Variants in SLC44A2 observed in about 807,000 individuals in gnomAD.
SLC44A2 encodes the protein choline transporter-like protein 2.
SLC44A2 carries 57 observed loss-of-function variants against 90.8 expected under a neutral mutation model. That is an observed-to-expected ratio of 0.63 (90% CI 0.51 to 0.78). SLC44A2 has a LOEUF of 0.78. Among genes scored for constraint, SLC44A2 ranks in the 30% least tolerant of loss-of-function variants. The pLI is 0.00. For missense variants in SLC44A2, 794 were observed against 919.7 expected, an observed-to-expected ratio of 0.86 and a Z score of 1.77; for synonymous variants, 355 against 360.7, an observed-to-expected ratio of 0.98 and a Z score of 0.18.
chr19:10,635,479 C>T lies in SLC44A2; in HGVS notation c.1197C>T (p.Ser399=), dbSNP rs764935100. The change falls in exon 14 of 22, where the codon AGC becomes AGT. Residue 399 remains serine, a synonymous_variant. Transcript: ENST00000335757. The part of the protein sequence containing the change: ...NEAVYKIFDD[S]PCPFTAKTCN... ...CGGTCTATAAGATCTTTGATGACAG[C>T]CCCTGCCCATTTACTGCGAAAACCT... 1.9e-6 allele frequency: 3 copies of T among 1,613,962 alleles called. No homozygotes were observed. In the South Asian group the frequency reaches 3.3e-5, roughly 18 times the overall value.
chr19:10,621,999 T>C (rs575484972), upstream of SLC44A2, among the ~76,000 whole-genome samples: 1 of 152,294 alleles, frequency 6.6e-6, no homozygotes, highest in South Asian at 2.1e-4. Context: ...TGGCCTCCAG[T>C]GATCTGCCTG....
intron 1 of SLC44A2, among the ~76,000 whole-genome samples, chr19:10,625,936 A>G (rs535249551): frequency 1.3e-5 from 2 of 149,920 alleles, no homozygotes; most frequent in South Asian, 2.1e-4. Flanking sequence ...CCTTCCCCCT[A>G]TCCCACCTCA....
At chr19:10,637,974 C>G (rs748125838) in intron 18 of SLC44A2, 45 bp downstream of exon 18, 2 of 1,614,022 alleles carry the variant, frequency 1.2e-6, no homozygotes, top group South Asian at 2.2e-5. Flanking sequence ...GCCTCTTCCC[C>G]TAGTCCCTGA....
At chr19:10,624,554 G>C (rs1457014398), upstream of SLC44A2, among the ~76,000 whole-genome samples, 6 of 152,148 alleles carry the variant, frequency 3.9e-5, no homozygotes, top group African/African-American at 1.4e-4. Flanking sequence ...CAGCCTCCCA[G>C]AGTGCTGGGA....
chr19:10,631,791 G>T (rs777293737), intron 8 of SLC44A2, 42 bp downstream of exon 8: 1 of 1,614,068 alleles, frequency 6.2e-7, no homozygotes, highest in South Asian at 1.1e-5. Flanking sequence ...CACTTTGCTG[G>T]GTGGGACAGG....
At chr19:10,606,218 A>G (rs1308714904) in intron 1 of SLC44A2, among the ~76,000 whole-genome samples, 1 of 152,042 alleles carries the variant, frequency 6.6e-6, no homozygotes, top group African/African-American at 2.4e-5. Flanking sequence ...GGATTGCTTG[A>G]GCCCAGGAGG....
intron 1 of SLC44A2, among the ~76,000 whole-genome samples, chr19:10,618,958 C>G (rs954610454): frequency 1.0e-5 from 1 of 100,098 alleles, no homozygotes; most frequent in East Asian, 3.0e-4. Flanking sequence ...GTATACAATT[C>G]TTTTTTTTTT....
chr19:10,617,169 CT>C (rs33959587), intron 1 of SLC44A2, among the ~76,000 whole-genome samples: 123,043 of 151,792 alleles, frequency 0.81, 50,005 homozygotes, highest in African/African-American at 0.86. Flanking sequence ...ATCCGCCCGC[CT>C]GGGGCTCCCA....
At position 10,636,525 on chromosome 19, in the gene SLC44A2, T is replaced by G; in HGVS notation, c.1436T>G (p.Leu479Arg). ...GCCTTTGCCTCCTACTACTGGGCCC[T>G]GCGCAAGCCGGACGACCTGCCGGCC... ...AGAFASYYWA[L>R]RKPDDLPAFP... The change falls in exon 15 of 22, where the codon CTG (leucine) becomes CGG (arginine). Residue 479 changes from leucine to arginine, a missense_variant. By Grantham distance (102) the Leu-to-Arg change is moderately radical. Transcript: ENST00000335757. 1 of 1,610,614 alleles carries G rather than the reference T, an allele frequency of 6.2e-7. No homozygotes were observed. Among genetic ancestry groups the G allele is most frequent in the South Asian group, 1.1e-5 (1 of 91,060 alleles).
At chr19:10,604,551 C>T (rs914989031) in intron 1 of SLC44A2, among the ~76,000 whole-genome samples, 2 of 152,162 alleles carry the variant, frequency 1.3e-5, no homozygotes, top group African/African-American at 2.4e-5. Context: ...TACCCTCCTG[C>T]CCCAGTGGCT....
chr19:10,643,877 T>A lies in SLC44A2; in HGVS notation c.*492T>A. ...GCATTTCTTTATTATTATTATTTTT[T>A]AACCTGGACATGCATTAAAGGGTCT... On this transcript the variant is annotated 3_prime_UTR_variant, in exon 22 of 22. Coordinates refer to ENST00000335757, the MANE Select transcript of SLC44A2 (RefSeq NM_020428.4). The A allele has an allele frequency of 6.5e-6, 1 of 153,376 alleles. No homozygotes were observed. The highest frequency in any genetic ancestry group is 2.0e-4 in the South Asian group (1 of 4,934). The allele number at this position is 153,376 out of a possible 1,614,324, so 9.5% of individuals were successfully genotyped here. A position where few individuals can be genotyped will look rare whatever the true frequency, so the allele number is the denominator to read the frequency against.
intron 20 of SLC44A2, among the ~76,000 whole-genome samples, chr19:10,639,536 G>C (rs143410043): frequency 6.6e-6 from 1 of 152,188 alleles, no homozygotes; most frequent in Non-Finnish European, 1.5e-5. Context: ...GTGGCCCTGA[G>C]GTGGGAGTGT....
chr19:10,602,502 C>G (rs1018906485), upstream of SLC44A2: 4 of 1,256,356 alleles, frequency 3.2e-6, no homozygotes, highest in Non-Finnish European at 4.0e-6. Flanking sequence ...CGCGCTGGCT[C>G]GGACTCCGCT....
intron 15 of SLC44A2, 34 bp downstream of exon 15, chr19:10,636,619 G>C: frequency 6.2e-7 from 1 of 1,606,764 alleles, no homozygotes; most frequent in Non-Finnish European, 8.5e-7. Flanking sequence ...TGGGGTGGAG[G>C]ACGAGGCCTG....
In SLC44A2 at chr19:10,643,430, T is replaced by C. The variant is rs2067139661; in HGVS notation, c.*45T>C. 1 of 1,574,350 alleles carries C rather than the reference T, an allele frequency of 6.4e-7. No individual in the cohort carries two copies. Among genetic ancestry groups the C allele is most frequent in the Non-Finnish European group, 8.6e-7 (1 of 1,158,012 alleles). On this transcript the variant is annotated 3_prime_UTR_variant, in exon 22 of 22. Coordinates refer to ENST00000335757, the MANE Select transcript of SLC44A2 (RefSeq NM_020428.4). The stretch of plus-strand genomic sequence containing the variant: ...TCTCAAGGAGTCTCATGCCGCAGGG[T>C]GCTCAGTAGCTGGGTCTGTTCCCCC...
At chr19:10,636,886 G>C in intron 16 of SLC44A2, 130 bp downstream of exon 16, 2 of 970,686 alleles carry the variant, frequency 2.1e-6, no homozygotes, top group African/African-American at 3.3e-5. Context: ...TGTCTATGAC[G>C]GGGTGGAGTT....
intron 16 of SLC44A2, 44 bp from the exon 17 acceptor site, chr19:10,637,600 G>T: frequency 6.4e-7 from 1 of 1,563,724 alleles, no homozygotes; most frequent in Non-Finnish European, 8.8e-7. Context: ...TTCCAAGTCA[G>T]GCTGGTGTCC....
chr19:10,630,358 GA>G lies in SLC44A2; in HGVS notation c.246-690del, dbSNP rs924236385. Among the ~76,000 whole-genome samples, 12 of 143,642 alleles carry G rather than the reference GA, an allele frequency of 8.4e-5. No homozygotes were observed. The East Asian group carries it at 1.7e-3, about 20-fold the overall frequency. 94.2% of individuals were successfully genotyped at this position (143,642 alleles called of 152,430 possible). A position where few individuals can be genotyped will look rare whatever the true frequency, so the allele number is the denominator to read the frequency against. ...AGAGAAAGACTCTTGTCTCAAAAAA[GA>G]AAAAAAAACAAAAGAGGCCGGGCGC... On this transcript the variant is annotated intron_variant, in intron 4 of 21. Coordinates refer to ENST00000335757, the MANE Select transcript of SLC44A2 (RefSeq NM_020428.4).
chr19:10,642,828 C>A, intron 21 of SLC44A2: 1 of 1,497,762 alleles, frequency 6.7e-7, no homozygotes. Context: ...CTGTTCTTCC[C>A]TGCCTCCCTC....
Sources: gnomAD v4.1 joint callset for allele counts (sites outside exome capture counted in the v4.1 genomes callset) on GRCh38, gnomAD v4.1.1 for gene constraint, MANE v1.5 for transcripts, NCBI Gene and HGNC (gene_info 2026-07-23, HGNC 2026-07-21) for gene names.